DMD: variants seen among roughly 807,000 people sequenced by gnomAD.
The protein encoded by DMD is mutant dystrophin.
In DMD, 63 loss-of-function variants were observed where a neutral mutation model predicts 330.1. The ratio of observed to expected loss-of-function variants is 0.19; its 90% CI spans 0.16 to 0.24. DMD has a LOEUF of 0.24. Ranked by LOEUF, DMD falls within the 10% of genes least tolerant of loss-of-function variation. The pLI, the probability that DMD is intolerant of heterozygous loss-of-function variation, is 1.00. For missense variants in DMD, 3,344 were observed against 2,684.1 expected (o/e 1.25, Z -5.43); for synonymous variants, 1,223 against 959.8 (o/e 1.27, Z -5.07).
intron 1 of DMD, among the ~76,000 whole-genome samples, chrX:33,154,001 T>C (rs191556652): frequency 3.5e-4 from 39 of 112,571 alleles, no homozygotes; most frequent in Admixed American, 2.0e-3. Flanking sequence ...GCTAAAAATA[T>C]CAGCTGTGTT....
chrX:32,483,145 C>CTATATATATATATATATATATATATATA (rs2042062927), intron 21 of DMD, among the ~76,000 whole-genome samples: 1 of 30,052 alleles, frequency 3.3e-5, no homozygotes, highest in African/African-American at 1.1e-4. Flanking sequence ...ATTTTTCATT[C>CTATATATATATATATATATATATATATA]CATATATATA....
At chrX:32,896,837 T>A (rs2085766212) in intron 2 of DMD, among the ~76,000 whole-genome samples, 1 of 112,203 alleles carries the variant, frequency 8.9e-6, no homozygotes, top group Admixed American at 9.4e-5. Flanking sequence ...GCAAGGAAAA[T>A]ATTTTTCAGA....
At chrX:32,950,923 A>C (rs1005508016) in intron 2 of DMD, among the ~76,000 whole-genome samples, 4 of 111,244 alleles carry the variant, frequency 3.6e-5, no homozygotes, top group African/African-American at 9.8e-5. Context: ...CTGACAATTA[A>C]GTTTTCTTTT....
rs754829506 is a variant in DMD at position 32,573,649 on chromosome X, T to G, written c.1705-12A>C. The G allele has an allele frequency of 1.7e-6, 2 of 1,200,414 alleles. No individual in the cohort carries two copies. Among genetic ancestry groups the G allele is most frequent in the Admixed American group, 2.2e-5 (1 of 45,730 alleles). On this transcript the variant is annotated splice_polypyrimidine_tract_variant and intron_variant, in intron 14 of 78. Transcript: ENST00000357033. ...GCACTAAAAAGGCACTGCAAGACATTAAAGAATTCCAAGGAATAAATAAAC... is the reference window on the plus strand; with the variant it reads ...GCACTAAAAAGGCACTGCAAGACATGAAAGAATTCCAAGGAATAAATAAAC...
intron 11 of DMD, among the ~76,000 whole-genome samples, chrX:32,624,529 G>C (rs1468966730): frequency 9.0e-6 from 1 of 111,610 alleles, no homozygotes; most frequent in East Asian, 2.8e-4. Context: ...CCTTATGATT[G>C]TGCCCAGTGT....
At chrX:32,837,975 T>C (rs1246352975) in intron 4 of DMD, among the ~76,000 whole-genome samples, 3 of 112,192 alleles carry the variant, frequency 2.7e-5, no homozygotes, top group Admixed American at 9.5e-5. Flanking sequence ...TCATATTTTA[T>C]AGAAGTATCT....
intron 19 of DMD, among the ~76,000 whole-genome samples, chrX:32,495,993 G>A (rs1412364394): frequency 1.8e-5 from 2 of 111,741 alleles, no homozygotes; most frequent in Non-Finnish European, 3.8e-5. Context: ...AACAACCCCT[G>A]AAATAGTCTG....
chrX:32,880,301 T>TC lies in DMD; in HGVS notation c.94-30482_94-30481insG, dbSNP rs764287698. ...AACAGGGCCAAAAAAAAAAAAGCCT[T>TC]TTTCAGCTTAGTCTTCTTAGCAACT... On this transcript the variant is annotated intron_variant, in intron 2 of 78. Transcript: ENST00000357033. Among the ~76,000 whole-genome samples, 304 of 109,066 alleles carry TC rather than the reference T, an allele frequency of 2.8e-3. 8 individuals are homozygous for TC. In the East Asian group the frequency reaches 0.047, roughly 17 times the overall value. The allele number at this position is 109,066 out of a possible 115,157, so 94.7% of individuals were successfully genotyped here.
chrX:31,878,455 CA>C (rs2094002229), intron 47 of DMD, among the ~76,000 whole-genome samples: 1 of 111,176 alleles, frequency 9.0e-6, no homozygotes, highest in African/African-American at 3.3e-5. Flanking sequence ...TAGTCAACCA[CA>C]AAAAAATGTA....
chrX:32,512,581 A>C (rs1005777300), intron 18 of DMD, among the ~76,000 whole-genome samples: 2 of 112,532 alleles, frequency 1.8e-5, no homozygotes, highest in Non-Finnish European at 3.7e-5. Context: ...ATTTCTAGAA[A>C]CCAACAATGG....
At chrX:32,194,539 C>A (rs1316059961) in intron 44 of DMD, among the ~76,000 whole-genome samples, 2 of 111,818 alleles carry the variant, frequency 1.8e-5, no homozygotes, top group Non-Finnish European at 3.8e-5. Flanking sequence ...TATTCACTGC[C>A]GAGTAAAATT....
chrX:31,483,897 TAAC>T (rs1273480846), intron 57 of DMD, among the ~76,000 whole-genome samples: 1 of 112,037 alleles, frequency 8.9e-6, no homozygotes, highest in Non-Finnish European at 1.9e-5. Context: ...TTTAGTCACT[TAAC>T]AAACTTCAAG....
intron 1 of DMD, among the ~76,000 whole-genome samples, chrX:33,335,872 T>C (rs750588586): frequency 9.0e-6 from 1 of 111,122 alleles, no homozygotes; most frequent in Non-Finnish European, 1.9e-5. Context: ...CAGACTCTTA[T>C]GTCAAACAGC....
At position 31,433,022 on chromosome X, in the gene DMD, C is replaced by T. The variant is rs371458923; in HGVS notation, c.9084+11459G>A. ...TCACCCAGGTAGTGAGTATAGTACTCGATAGGTAGTTTTTTCAGCCCTTGT... is the reference window on the plus strand; with the variant it reads ...TCACCCAGGTAGTGAGTATAGTACTTGATAGGTAGTTTTTTCAGCCCTTGT... On this transcript the variant is annotated intron_variant, in intron 60 of 78. Coordinates refer to ENST00000357033, the MANE Select transcript of DMD (RefSeq NM_004006.3). 4.1e-4 allele frequency among the ~76,000 whole-genome samples: 46 copies of T among 111,568 alleles called. No individual in the cohort carries two copies. The East Asian group carries it at 9.3e-3, about 23-fold the overall frequency.
In DMD at chrX:32,565,731, C is replaced by A. The variant is rs2149094621; in HGVS notation, c.1963G>T (p.Val655Phe). The change falls in exon 16 of 79, where the codon GTC becomes TTC. Residue 655 changes from valine (V) to phenylalanine (F), a missense_variant. Val to Phe is a conservative substitution (Grantham distance 50, BLOSUM62 -1). Transcript: ENST00000357033. ...GCTGTACTCTTTTCAAGTTTTTGGA[C>A]TAAATTATCCCAACACCGGGCAAAG... ...DNFARCWDNLVQKLEKSTAQI... is the reference protein window; with the variant it reads ...DNFARCWDNLFQKLEKSTAQI... 4 of 1,211,539 alleles carry A rather than the reference C, an allele frequency of 3.3e-6. No individual in the cohort carries two copies. In the South Asian group the frequency reaches 7.0e-5, roughly 21 times the overall value.
At chrX:32,779,044 C>CA (rs1264665579) in intron 7 of DMD, among the ~76,000 whole-genome samples, 1 of 111,265 alleles carries the variant, frequency 9.0e-6, no homozygotes, top group Non-Finnish European at 1.9e-5. Flanking sequence ...CTGGTATTCC[C>CA]AAGTATTAAA....
intron 29 of DMD, among the ~76,000 whole-genome samples, chrX:32,427,786 T>C (rs1275521701): frequency 9.0e-6 from 1 of 111,651 alleles, no homozygotes; most frequent in Non-Finnish European, 1.9e-5. Context: ...GGAAGACTTT[T>C]AATTTGTGAT....
chrX:33,006,682 C>A (rs775095385), intron 2 of DMD, among the ~76,000 whole-genome samples: 8 of 111,439 alleles, frequency 7.2e-5, no homozygotes, highest in Non-Finnish European at 1.3e-4. Flanking sequence ...TATCATCTCT[C>A]ATTGTTCCTT....
chrX:32,803,881 G>A (rs552179685), intron 7 of DMD, among the ~76,000 whole-genome samples: 5 of 111,886 alleles, frequency 4.5e-5, no homozygotes, highest in African/African-American at 1.3e-4. Context: ...CAATTATGTC[G>A]TCAATTTTAG....
Sources: gnomAD v4.1 joint callset for allele counts (sites outside exome capture counted in the v4.1 genomes callset) on GRCh38, gnomAD v4.1.1 for gene constraint, MANE v1.5 for transcripts, NCBI Gene and HGNC (gene_info 2026-07-23, HGNC 2026-07-21) for gene names.